PELI2: variants seen among roughly 807,000 people sequenced by gnomAD.
The protein encoded by PELI2 is pellino E3 ubiquitin protein ligase family member 2.
Under a neutral mutation model 42.3 loss-of-function variants are expected in PELI2, and 23 were observed. The ratio of observed to expected loss-of-function variants is 0.54; its 90% CI spans 0.39 to 0.77. The LOEUF (loss-of-function observed/expected upper bound fraction) is 0.77, where lower values mean the gene tolerates loss of function less well. PELI2 is among the 30% of genes least tolerant of loss of function. PELI2 has a pLI of 0.00. For synonymous variants in PELI2, 245 were observed against 212.2 expected (o/e 1.15, Z -1.34); for missense variants, 463 against 553.2 (o/e 0.84, Z 1.64).
At chr14:56,256,110 C>T (rs1888518451) in intron 2 of PELI2, among the ~76,000 whole-genome samples, 1 of 152,112 alleles carries the variant, frequency 6.6e-6, no homozygotes, top group South Asian at 2.1e-4. Flanking sequence ...ATGATGGAGT[C>T]AGTTTAGGTT....
intron 2 of PELI2, among the ~76,000 whole-genome samples, chr14:56,204,501 AG>A (rs1886445363): frequency 6.6e-6 from 1 of 151,900 alleles, no homozygotes; most frequent in Admixed American, 6.6e-5. Flanking sequence ...GGAGTAGAAC[AG>A]GGGAGAAGAT....
At chr14:56,234,356 G>A (rs766426739) in intron 2 of PELI2, among the ~76,000 whole-genome samples, 11 of 152,288 alleles carry the variant, frequency 7.2e-5, no homozygotes, top group Non-Finnish European at 1.6e-4. Flanking sequence ...CAGCCCAAAT[G>A]TCCATCAATG....
chr14:56,253,833 A>G (rs1054290341), intron 2 of PELI2, among the ~76,000 whole-genome samples: 11 of 151,954 alleles, frequency 7.2e-5, no homozygotes, highest in African/African-American at 1.9e-4. Context: ...CAGAATTGGG[A>G]AAAAAAACTA....
intron 2 of PELI2, among the ~76,000 whole-genome samples, chr14:56,261,936 T>A: frequency 6.6e-6 from 1 of 152,256 alleles, no homozygotes. Flanking sequence ...TTGCTGACTT[T>A]CTGTCCCCCA....
intron 1 of PELI2, among the ~76,000 whole-genome samples, chr14:56,169,877 T>C (rs1885104250): frequency 6.6e-6 from 1 of 152,210 alleles, no homozygotes; most frequent in South Asian, 2.1e-4. Flanking sequence ...GCATATATGA[T>C]AGGTTAAATA....
chr14:56,162,068 C>T (rs985080524), intron 1 of PELI2, among the ~76,000 whole-genome samples: 1 of 152,084 alleles, frequency 6.6e-6, no homozygotes, highest in African/African-American at 2.4e-5. Context: ...GTGAAATAAC[C>T]ACATTATGGA....
At chr14:56,156,346 G>A (rs1435226695) in intron 1 of PELI2, among the ~76,000 whole-genome samples, 1 of 152,120 alleles carries the variant, frequency 6.6e-6, no homozygotes, top group Non-Finnish European at 1.5e-5. Context: ...TTAAAAGGCA[G>A]TAGGACATTT....
rs114754107 is a variant in PELI2 at position 56,287,165 on chromosome 14, G to A, written c.310-1272G>A. Among the ~76,000 whole-genome samples the A allele has an allele frequency of 6.8e-3, 1,031 of 152,240 alleles. 11 individuals carry two copies. The highest frequency in any genetic ancestry group is 0.024 in the African/African-American group (985 of 41,534). ...GACAAATCTTGTGACAGTGACTGTC[G>A]CTATGAGGCTCCAGGTTTGGTGAGA... On this transcript the variant is annotated intron_variant, in intron 3 of 5. Transcript: ENST00000267460.
chr14:56,286,941 T>A (rs899385091), intron 3 of PELI2, among the ~76,000 whole-genome samples: 6 of 152,236 alleles, frequency 3.9e-5, no homozygotes, highest in Non-Finnish European at 8.8e-5. Context: ...AGAATAAAAT[T>A]TCCTCTTTTT....
chr14:56,191,188 T>C (rs1203154681), intron 2 of PELI2, among the ~76,000 whole-genome samples: 1 of 152,122 alleles, frequency 6.6e-6, no homozygotes, highest in African/African-American at 2.4e-5. Flanking sequence ...TATAGGCAGG[T>C]ACCCAGAGAA....
intron 2 of PELI2, among the ~76,000 whole-genome samples, chr14:56,266,022 C>T (rs1888890513): frequency 6.6e-6 from 1 of 151,996 alleles, no homozygotes; most frequent in African/African-American, 2.4e-5. Flanking sequence ...ATCATTAAAA[C>T]TGAATACTCT....
chr14:56,122,539 T>C (rs1307265072), intron 1 of PELI2, among the ~76,000 whole-genome samples: 2 of 152,186 alleles, frequency 1.3e-5, no homozygotes, highest in Non-Finnish European at 2.9e-5. Context: ...TGGAAAAATA[T>C]TGCTTACTCT....
rs1437186087 is a variant in PELI2, at chr14:56,297,276, G to A, written c.*110G>A. 8 of 705,662 alleles carry A rather than the reference G, an allele frequency of 1.1e-5. No homozygotes were observed. The African/African-American group carries it at 1.2e-4, about 11-fold the overall frequency. The allele number at this position is 705,662 out of a possible 1,614,324, so 43.7% of individuals were successfully genotyped here. ...CTGTTTATCAGAGGAGGGTGACAGGGGCTGGAAATAAAGAGAGGGGACATG... is the reference window on the plus strand; with the variant it reads ...CTGTTTATCAGAGGAGGGTGACAGGAGCTGGAAATAAAGAGAGGGGACATG... On this transcript the variant is annotated 3_prime_UTR_variant, in exon 6 of 6. Transcript: ENST00000267460.
At chr14:56,122,479 C>T (rs1486315536) in intron 1 of PELI2, among the ~76,000 whole-genome samples, 2 of 152,120 alleles carry the variant, frequency 1.3e-5, no homozygotes, top group Admixed American at 6.5e-5. Flanking sequence ...TTTCTGGATT[C>T]AATTTGAAGC....
At chr14:56,213,860 G>T (rs563566658) in intron 2 of PELI2, among the ~76,000 whole-genome samples, 48 of 152,150 alleles carry the variant, frequency 3.2e-4, no homozygotes, top group African/African-American at 1.1e-3. Flanking sequence ...TTTTGGTTTT[G>T]GGTTTTTTTG....
At chr14:56,164,171 T>C (rs1462375600) in intron 1 of PELI2, among the ~76,000 whole-genome samples, 1 of 152,162 alleles carries the variant, frequency 6.6e-6, no homozygotes, top group African/African-American at 2.4e-5. Flanking sequence ...TGATACTAGC[T>C]GTGGGTCTGT....
chr14:56,218,276 A>G (rs1324871800), intron 2 of PELI2, among the ~76,000 whole-genome samples: 1 of 152,226 alleles, frequency 6.6e-6, no homozygotes, highest in African/African-American at 2.4e-5. Context: ...TTTTGCACCT[A>G]GAGAATTTTT....
intron 2 of PELI2, among the ~76,000 whole-genome samples, chr14:56,216,835 G>A (rs1490412009): frequency 1.3e-5 from 2 of 152,166 alleles, no homozygotes; most frequent in East Asian, 1.9e-4. Flanking sequence ...TGTGTGCCAC[G>A]AGCTGTTGAC....
chr14:56,248,661 T>C (rs564925098), intron 2 of PELI2, among the ~76,000 whole-genome samples: 52 of 152,158 alleles, frequency 3.4e-4, no homozygotes, highest in African/African-American at 1.1e-3. Context: ...GAGTCTTGAA[T>C]TCCAGGCCCA....
Sources: gnomAD v4.1 joint callset for allele counts (sites outside exome capture counted in the v4.1 genomes callset) on GRCh38, gnomAD v4.1.1 for gene constraint, MANE v1.5 for transcripts, NCBI Gene and HGNC (gene_info 2026-07-23, HGNC 2026-07-21) for gene names.